ANTXRL: variants seen among roughly 807,000 people sequenced by gnomAD.
ANTXRL encodes anthrax toxin receptor-like.
A neutral mutation model predicts 75.4 loss-of-function variants in ANTXRL; 63 were observed. The ratio of observed to expected loss-of-function variants is 0.84; its 90% CI spans 0.68 to 1.03. ANTXRL has a LOEUF of 1.03. Among genes scored for constraint, ANTXRL ranks in the 50% least tolerant of loss-of-function variants. The pLI is 0.00. For synonymous variants in ANTXRL, 335 were observed against 291.3 expected (o/e 1.15, Z -1.53); for missense variants, 797 against 789.4 (o/e 1.01, Z -0.12).
chr10:46,301,391 G>T (rs1837733437), intron 9 of ANTXRL, among the ~76,000 whole-genome samples: 1 of 152,210 alleles, frequency 6.6e-6, no homozygotes, highest in African/African-American at 2.4e-5. Flanking sequence ...CAGCCTCAGT[G>T]CCCCCACCAG....
chr10:46,305,308 A>G (rs1211580454), intron 10 of ANTXRL, among the ~76,000 whole-genome samples: 3 of 152,202 alleles, frequency 2.0e-5, no homozygotes, highest in African/African-American at 7.2e-5. Context: ...GCAATTTTTG[A>G]CAACTGAAAT....
chr10:46,317,556 C>T (rs985133690), intron 16 of ANTXRL, among the ~76,000 whole-genome samples: 1 of 152,174 alleles, frequency 6.6e-6, no homozygotes, highest in Non-Finnish European at 1.5e-5. Context: ...GGTGGCAAAG[C>T]CAGGCTGGCT....
rs1342099266 is a variant in ANTXRL, at chr10:46,292,045, C to T, written c.249-13C>T. 1.3e-6 allele frequency: 2 copies of T among 1,535,942 alleles called. No individual in the cohort carries two copies. Among genetic ancestry groups the T allele is most frequent in the Non-Finnish European group, 1.7e-6 (2 of 1,146,576 alleles). Reference sequence around the variant, plus strand: ...GCACTCATCTCCCTGACCCACATCTCCTTTTGTTTTAGGTCTGGCAGCGTG... The same window carrying T: ...GCACTCATCTCCCTGACCCACATCTTCTTTTGTTTTAGGTCTGGCAGCGTG... On this transcript the variant is annotated splice_polypyrimidine_tract_variant and intron_variant, in intron 1 of 16. Coordinates refer to ENST00000620264, the MANE Select transcript of ANTXRL (RefSeq NM_001278688.3).
intron 14 of ANTXRL, among the ~76,000 whole-genome samples, chr10:46,310,917 T>C (rs1838382858): frequency 6.6e-6 from 1 of 152,080 alleles, no homozygotes; most frequent in South Asian, 2.1e-4. Context: ...CCATGTCTCC[T>C]GGCAGGGACG....
In ANTXRL at chr10:46,329,598, G is replaced by A; in HGVS notation, c.1411-1G>A. The A allele has an allele frequency of 1.3e-6, 2 of 1,535,246 alleles. No homozygotes were observed. Among genetic ancestry groups the A allele is most frequent in the East Asian group, 2.4e-5 (1 of 40,868 alleles). On this transcript the variant is annotated splice_acceptor_variant, in intron 16 of 16. Coordinates refer to ENST00000620264, the MANE Select transcript of ANTXRL (RefSeq NM_001278688.3). LOFTEE classifies it high-confidence loss of function. ...CCTTCTCTCTCTTCTCTTCCCTACA[G>A]GGGAGGTACCTCAGCTTAGCCCTTG...
intron 1 of ANTXRL, among the ~76,000 whole-genome samples, chr10:46,291,195 C>T (rs1554956367): frequency 6.6e-6 from 1 of 152,130 alleles, no homozygotes; most frequent in African/African-American, 2.4e-5. Flanking sequence ...TGTTCTTTCC[C>T]ACACTGAGTG....
At chr10:46,302,622 T>C (rs7092598) in intron 9 of ANTXRL, 100 bp from the exon 10 acceptor site, 250,138 of 796,158 alleles carry the variant, frequency 0.31, 36,437 homozygotes, top group African/African-American at 0.57. Flanking sequence ...GGAGCCTCTG[T>C]GAATTCGGTT....
At chr10:46,326,367 G>A (rs1839212347) in intron 16 of ANTXRL, among the ~76,000 whole-genome samples, 1 of 152,096 alleles carries the variant, frequency 6.6e-6, no homozygotes, top group Non-Finnish European at 1.5e-5. Flanking sequence ...ATGAACGGAG[G>A]CAGCCCCTCA....
chr10:46,303,880 T>A (rs1554961174), intron 10 of ANTXRL, among the ~76,000 whole-genome samples: 2 of 152,080 alleles, frequency 1.3e-5, no homozygotes, highest in East Asian at 3.9e-4. Flanking sequence ...TCTTCCCAGG[T>A]GGCCCCTTGA....
intron 12 of ANTXRL, 144 bp downstream of exon 12, chr10:46,307,624 C>T: frequency 1.3e-6 from 1 of 798,974 alleles, no homozygotes; most frequent in Non-Finnish European, 2.0e-6. Context: ...TCCAACCCGG[C>T]TTCTGGATGG....
At chr10:46,301,336 T>C (rs1181798271) in intron 9 of ANTXRL, among the ~76,000 whole-genome samples, 1 of 152,246 alleles carries the variant, frequency 6.6e-6, no homozygotes, top group Non-Finnish European at 1.5e-5. Context: ...CCATGTCTAG[T>C]TGCTCAGAAC....
chr10:46,324,961 T>G (rs1404148959), intron 16 of ANTXRL, among the ~76,000 whole-genome samples: 3 of 152,164 alleles, frequency 2.0e-5, no homozygotes, highest in Non-Finnish European at 4.4e-5. Context: ...GGTTCAGATA[T>G]GGAAGCCTCT....
intron 16 of ANTXRL, among the ~76,000 whole-genome samples, chr10:46,321,771 G>C (rs1304838795): frequency 6.6e-6 from 1 of 152,092 alleles, no homozygotes; most frequent in Admixed American, 6.6e-5. Flanking sequence ...GTTACTAGGG[G>C]CATATGCTTT....
intron 2 of ANTXRL, among the ~76,000 whole-genome samples, chr10:46,293,288 GC>G (rs1837104671): frequency 1.9e-5 from 1 of 52,020 alleles, no homozygotes; most frequent in African/African-American, 5.2e-5. Context: ...GAGAGTGTGT[GC>G]GTGTGTGCCT....
At chr10:46,320,715 C>T (rs1370697902) in intron 16 of ANTXRL, among the ~76,000 whole-genome samples, 9 of 152,066 alleles carry the variant, frequency 5.9e-5, no homozygotes, top group African/African-American at 2.2e-4. Context: ...ATGGGGTACA[C>T]AGGGAGTCTT....
At chr10:46,325,014 C>T (rs530060331) in intron 16 of ANTXRL, among the ~76,000 whole-genome samples, 214 of 152,242 alleles carry the variant, frequency 1.4e-3, no homozygotes, top group Non-Finnish European at 2.4e-3. Context: ...GATCCTTTCA[C>T]GCCAAGAGAT....
At chr10:46,300,486 A>G (rs1324414294) in intron 9 of ANTXRL, among the ~76,000 whole-genome samples, 5 of 151,980 alleles carry the variant, frequency 3.3e-5, no homozygotes. Context: ...TCCCCCACAC[A>G]TGGCTGGAGG....
intron 1 of ANTXRL, among the ~76,000 whole-genome samples, chr10:46,288,971 A>G (rs1836868778): frequency 6.6e-6 from 1 of 152,184 alleles, no homozygotes; most frequent in Non-Finnish European, 1.5e-5. Context: ...GGTCATGGCC[A>G]GGGAATGACC....
intron 16 of ANTXRL, among the ~76,000 whole-genome samples, chr10:46,322,729 A>C (rs1394979731): frequency 6.6e-6 from 1 of 152,186 alleles, no homozygotes; most frequent in Admixed American, 6.5e-5. Context: ...TATGCTTAAC[A>C]TTGAATTTAC....
Sources: allele counts gnomAD v4.1 joint callset (sites outside exome capture counted in the v4.1 genomes callset), GRCh38; gene constraint gnomAD v4.1.1; transcripts MANE v1.5; gene names NCBI Gene and HGNC (gene_info 2026-07-23, HGNC 2026-07-21).